The following CREBL2 variants were observed in gnomAD, a reference collection of about 807,000 sequenced individuals.
The protein encoded by CREBL2 is cAMP responsive element binding protein like 2.
In CREBL2, 4 loss-of-function variants were observed where a neutral mutation model predicts 19.5. The ratio of observed to expected loss-of-function variants is 0.20; its 90% CI spans 0.10 to 0.47. The LOEUF (loss-of-function observed/expected upper bound fraction) is 0.47. CREBL2 is among the 20% of genes least tolerant of loss of function. The pLI, the probability that CREBL2 is intolerant of heterozygous loss-of-function variation, is 0.98. For synonymous variants in CREBL2, 42 were observed against 46.6 expected (o/e 0.90, Z 0.40); for missense variants, 85 against 145.1 (o/e 0.59, Z 2.13).
At chr12:12,612,282 A>G in intron 1 of CREBL2, 95 bp downstream of exon 1, 1 of 1,602,048 alleles carries the variant, frequency 6.2e-7, no homozygotes, top group Non-Finnish European at 8.5e-7. Flanking sequence ...CCAACACCCA[A>G]GAGACACCTG....
chr12:12,618,454 C>T (rs912103831), intron 1 of CREBL2, among the ~76,000 whole-genome samples: 3 of 151,550 alleles, frequency 2.0e-5, no homozygotes, highest in Non-Finnish European at 2.9e-5. Context: ...CAGAGGCGCT[C>T]CCCACATCTC....
At chr12:12,638,592 A>T (rs1195610808) in intron 3 of CREBL2, among the ~76,000 whole-genome samples, 1 of 152,068 alleles carries the variant, frequency 6.6e-6, no homozygotes, top group African/African-American at 2.4e-5. Context: ...TTTGTTAATA[A>T]TAATACCTTT....
intron 1 of CREBL2, among the ~76,000 whole-genome samples, chr12:12,618,370 A>C (rs960826603): frequency 3.3e-5 from 5 of 151,670 alleles, no homozygotes; most frequent in Non-Finnish European, 7.4e-5. Flanking sequence ...GGTGGGGCAG[A>C]GACACTCCTC....
intron 1 of CREBL2, among the ~76,000 whole-genome samples, chr12:12,632,068 C>T (rs1384781021): frequency 0.011 from 911 of 79,904 alleles, no homozygotes; most frequent in Middle Eastern, 0.018. Context: ...CTATGCCTTT[C>T]TTTTTTTTTT....
Position 12,612,891 on chromosome 12 carries a change from G to A in CREBL2, c.15+704G>A, listed in dbSNP as rs189461567. ...CTTTTTGTCTTTATTTATTAATTGA[G>A]ACGGAGTTTCGCTCTTGTCGCCCAG... is the stretch of plus-strand genomic sequence containing the variant. On this transcript the variant is annotated intron_variant, in intron 1 of 3. Coordinates refer to ENST00000228865, the MANE Select transcript of CREBL2 (RefSeq NM_001310.4). 2.7e-3 allele frequency among the ~76,000 whole-genome samples: 405 copies of A among 152,266 alleles called. 2 individuals carry two copies. The highest frequency in any genetic ancestry group is 4.1e-3 in the Admixed American group (62 of 15,290).
chr12:12,614,845 T>C (rs973947428), intron 1 of CREBL2: 31 of 314,974 alleles, frequency 9.8e-5, no homozygotes, highest in Non-Finnish European at 1.6e-4. Flanking sequence ...TAGTAAGATT[T>C]GTAGGGCATT....
chr12:12,624,709 A>G (rs1181504843), intron 1 of CREBL2, among the ~76,000 whole-genome samples: 1 of 152,200 alleles, frequency 6.6e-6, no homozygotes, highest in East Asian at 1.9e-4. Context: ...GGATAGCTCA[A>G]CTGTTAATAG....
chr12:12,630,141 A>G (rs183852133), intron 1 of CREBL2, among the ~76,000 whole-genome samples: 218 of 152,272 alleles, frequency 1.4e-3, no homozygotes, highest in Non-Finnish European at 2.6e-3. Context: ...GCTTTCTCCT[A>G]TTCCACTTTT....
Position 12,633,392 on chromosome 12 carries a change from G to A in CREBL2, c.16-2385G>A, listed in dbSNP as rs567718577. Among the ~76,000 whole-genome samples, 40 of 152,222 alleles carry A rather than the reference G, an allele frequency of 2.6e-4. 1 individual carries two copies. The East Asian group carries it at 3.5e-3, about 13-fold the overall frequency. ...GGAGGTTGCAGTGAGCTGAGATCGC[G>A]CCATTGCATTCCAGCCTGGGCGACA... is the stretch of plus-strand genomic sequence containing the variant. On this transcript the variant is annotated intron_variant, in intron 1 of 3. Transcript: ENST00000228865.
In CREBL2 at chr12:12,612,178, T is replaced by C. The variant is rs780626193; in HGVS notation, c.6T>C (p.Asp2=). M[D]DSKVVGGKVK... is the part of the protein sequence containing the mutation. ...AGGCCGGCCTGTCTGCCGCGATGGA[T>C]GACAGTAAGGTAAGTCTTGTGGTTT... Residue 2 remains aspartate (D), a synonymous_variant, in exon 1 of 4, where the codon GAT becomes GAC. Transcript: ENST00000228865. 6.2e-7 allele frequency: 1 copy of C among 1,613,446 alleles called. No homozygotes were observed. Among genetic ancestry groups the C allele is most frequent in the Non-Finnish European group, 8.5e-7 (1 of 1,180,030 alleles).
chr12:12,613,694 G>C (rs561392258), intron 1 of CREBL2, among the ~76,000 whole-genome samples: 8 of 152,216 alleles, frequency 5.3e-5, no homozygotes, highest in African/African-American at 1.9e-4. Context: ...GTTTCAGGAA[G>C]CTATCAGCTC....
chr12:12,629,817 A>C (rs1051205315), intron 1 of CREBL2, among the ~76,000 whole-genome samples: 2 of 152,132 alleles, frequency 1.3e-5, no homozygotes, highest in Admixed American at 1.3e-4. Context: ...TATCATGTGA[A>C]GATGTTGAAT....
Position 12,642,437 on chromosome 12 carries a change from G to C in CREBL2, c.*439G>C, listed in dbSNP as rs1945530265. On this transcript the variant is annotated 3_prime_UTR_variant, in exon 4 of 4. Coordinates refer to ENST00000228865, the MANE Select transcript of CREBL2 (RefSeq NM_001310.4). ...TGCCCTACAAAGAGAAACCAAATGAGCTGATTACTGACTATAAGTTCTCAG... is the reference window on the plus strand; with the variant it reads ...TGCCCTACAAAGAGAAACCAAATGACCTGATTACTGACTATAAGTTCTCAG... 6.5e-6 allele frequency: 1 copy of C among 154,312 alleles called. No homozygotes were observed. The highest frequency in any genetic ancestry group is 2.4e-5 in the African/African-American group (1 of 41,502). 9.6% of individuals were successfully genotyped at this position (154,312 alleles called of 1,614,324 possible). A position where few individuals can be genotyped will look rare whatever the true frequency, so the allele number is the denominator to read the frequency against.
At chr12:12,625,547 CAGATT>C (rs1311000716) in intron 1 of CREBL2, among the ~76,000 whole-genome samples, 2 of 152,158 alleles carry the variant, frequency 1.3e-5, no homozygotes, top group African/African-American at 4.8e-5. Flanking sequence ...ATTATATGAT[CAGATT>C]AATGTGTCCT....
intron 1 of CREBL2, among the ~76,000 whole-genome samples, chr12:12,631,865 T>C (rs114508349): frequency 6.6e-6 from 1 of 152,124 alleles, no homozygotes; most frequent in African/African-American, 2.4e-5. Flanking sequence ...TCATATACAT[T>C]GTTATAGCTA....
rs190998964 is a variant in CREBL2, at chr12:12,613,150, G to A, written c.15+963G>A. On this transcript the variant is annotated intron_variant, in intron 1 of 3. Coordinates refer to ENST00000228865, the MANE Select transcript of CREBL2 (RefSeq NM_001310.4). ...CTCCCAAAGTGCTGGGATTACAGGC[G>A]TGAGCCACCGCGCCTGGCCGCCTTT... Among the ~76,000 whole-genome samples, 211 of 152,358 alleles carry A rather than the reference G, an allele frequency of 1.4e-3. 1 individual carries two copies. The highest frequency in any genetic ancestry group is 4.9e-3 in the African/African-American group (205 of 41,584).
intron 1 of CREBL2, among the ~76,000 whole-genome samples, chr12:12,613,990 C>CTTTTTTTTTTTTT (rs57522744): frequency 2.7e-5 from 2 of 72,958 alleles, no homozygotes; most frequent in Non-Finnish European, 4.9e-5. Flanking sequence ...TCTTTTTTTT[C>CTTTTTTTTTTTTT]TTTTTTTTTT....
chr12:12,613,811 C>T (rs71457159), intron 1 of CREBL2, among the ~76,000 whole-genome samples: 303 of 151,878 alleles, frequency 2.0e-3, no homozygotes, highest in Middle Eastern at 6.8e-3. Context: ...ATTGTAGACT[C>T]TTCAGTTTTA....
rs1233256569 is a variant in CREBL2 at position 12,643,307 on chromosome 12, T to C, written c.*1309T>C. 1 of 152,602 alleles carries C rather than the reference T, an allele frequency of 6.6e-6. No homozygotes were observed. Among genetic ancestry groups the C allele is most frequent in the Non-Finnish European group, 1.5e-5 (1 of 68,022 alleles). The allele number at this position is 152,602 out of a possible 1,614,324, so 9.5% of individuals were successfully genotyped here. A position where few individuals can be genotyped will look rare whatever the true frequency, so the allele number is the denominator to read the frequency against. Reference sequence around the variant, plus strand: ...CGGTTGAAGAATCAAGCTCATAATATGATACACCCAGACAGACCCAGAAAT... The same window carrying C: ...CGGTTGAAGAATCAAGCTCATAATACGATACACCCAGACAGACCCAGAAAT... On this transcript the variant is annotated 3_prime_UTR_variant, in exon 4 of 4. Transcript: ENST00000228865.
Sources: gnomAD v4.1 joint callset for allele counts (sites outside exome capture counted in the v4.1 genomes callset) on GRCh38, gnomAD v4.1.1 for gene constraint, MANE v1.5 for transcripts, NCBI Gene and HGNC (gene_info 2026-07-23, HGNC 2026-07-21) for gene names.